The following CDH8 variants were observed in gnomAD, a reference collection of about 807,000 sequenced individuals.
The protein encoded by CDH8 is cadherin 8.
CDH8 carries 17 observed loss-of-function variants against 68.1 expected under a neutral mutation model. The observed-to-expected ratio is 0.25, with a 90% CI of 0.17 to 0.37. The LOEUF (loss-of-function observed/expected upper bound fraction) is 0.37. CDH8 is among the 10% of genes least tolerant of loss of function. The pLI, the probability that CDH8 is intolerant of heterozygous loss-of-function variation, is 1.00. For missense variants in CDH8, 763 were observed against 999.3 expected, an observed-to-expected ratio of 0.76 and a Z score of 3.19; for synonymous variants, 372 against 365.1, an observed-to-expected ratio of 1.02 and a Z score of -0.21.
intron 2 of CDH8, among the ~76,000 whole-genome samples, chr16:61,974,003 A>G (rs916632244): frequency 6.6e-6 from 1 of 152,178 alleles, no homozygotes. Context: ...GAATGTATGA[A>G]CAACCTCAAG....
intron 4 of CDH8, among the ~76,000 whole-genome samples, chr16:61,847,516 C>T (rs907621462): frequency 1.4e-5 from 2 of 141,780 alleles, no homozygotes; most frequent in African/African-American, 5.2e-5. Flanking sequence ...AATTAACCCC[C>T]TTCTGTAAGC....
At chr16:62,012,064 T>C (rs1032163129) in intron 2 of CDH8, among the ~76,000 whole-genome samples, 1 of 152,228 alleles carries the variant, frequency 6.6e-6, no homozygotes, top group Non-Finnish European at 1.5e-5. Context: ...GGAAATGATA[T>C]GTACAGATGG....
intron 4 of CDH8, among the ~76,000 whole-genome samples, chr16:61,856,161 C>G (rs1237114053): frequency 6.6e-6 from 1 of 152,030 alleles, no homozygotes; most frequent in Non-Finnish European, 1.5e-5. Context: ...TTTATCTCAA[C>G]AGCGCTGAAA....
In CDH8 at chr16:61,751,745, G is replaced by A. The variant is rs1424839984; in HGVS notation, c.1415-24530C>T. Among the ~76,000 whole-genome samples the A allele has an allele frequency of 2.6e-5, 4 of 152,012 alleles. No individual in the cohort carries two copies. In the East Asian group the frequency reaches 7.7e-4, roughly 29 times the overall value. ...CCCTGTCCTTCACTCTCCACTTTTT[G>A]AAAACTGAATGGTAATTATATTACA... is the stretch of plus-strand genomic sequence containing the variant. On this transcript the variant is annotated intron_variant, in intron 8 of 11. Coordinates refer to ENST00000577390, the MANE Select transcript of CDH8 (RefSeq NM_001796.5).
chr16:61,969,238 C>T (rs778764081), intron 2 of CDH8, among the ~76,000 whole-genome samples: 7 of 152,196 alleles, frequency 4.6e-5, no homozygotes, highest in Non-Finnish European at 1.0e-4. Flanking sequence ...GGATGGGCAT[C>T]TGACAGTGAG....
intron 3 of CDH8, among the ~76,000 whole-genome samples, chr16:61,882,708 C>G (rs1283083098): frequency 6.6e-6 from 1 of 152,082 alleles, no homozygotes; most frequent in Non-Finnish European, 1.5e-5. Flanking sequence ...CCAACACACA[C>G]TGGGGCCTAT....
chr16:61,703,050 T>C (rs2142852379), intron 10 of CDH8, among the ~76,000 whole-genome samples: 1 of 152,336 alleles, frequency 6.6e-6, no homozygotes, highest in African/African-American at 2.4e-5. Context: ...GAGAATAAAT[T>C]TGTCTTAAAA....
intron 10 of CDH8, among the ~76,000 whole-genome samples, chr16:61,680,870 A>C (rs556826195): frequency 1.3e-5 from 2 of 152,108 alleles, no homozygotes; most frequent in East Asian, 3.9e-4. Context: ...TGAAAGAACA[A>C]ATAAATGTGC....
intron 10 of CDH8, among the ~76,000 whole-genome samples, chr16:61,680,738 T>C (rs1381030522): frequency 6.6e-6 from 1 of 151,960 alleles, no homozygotes; most frequent in South Asian, 2.1e-4. Context: ...ATAGATCCCA[T>C]GGTTATAACC....
chr16:61,894,365 G>A (rs904309413), intron 3 of CDH8, among the ~76,000 whole-genome samples: 1 of 152,162 alleles, frequency 6.6e-6, no homozygotes, highest in African/African-American at 2.4e-5. Flanking sequence ...TGTGGTTCTA[G>A]ATATGATACT....
chr16:61,822,550 C>T (rs989490618), intron 5 of CDH8, among the ~76,000 whole-genome samples: 1 of 151,806 alleles, frequency 6.6e-6, no homozygotes, highest in Non-Finnish European at 1.5e-5. Flanking sequence ...AGTAAGGTTT[C>T]TTCTAGCACT....
chr16:62,031,169 G>A (rs977504112), intron 1 of CDH8, among the ~76,000 whole-genome samples: 6 of 152,088 alleles, frequency 3.9e-5, no homozygotes, highest in Admixed American at 3.3e-4. Flanking sequence ...TAGTCTTGGA[G>A]GCATTCTCAT....
At chr16:61,997,050 C>A (rs1965817695) in intron 2 of CDH8, among the ~76,000 whole-genome samples, 1 of 151,676 alleles carries the variant, frequency 6.6e-6, no homozygotes, top group African/African-American at 2.4e-5. Flanking sequence ...TAATCCTTTT[C>A]TGAGGAGTGT....
intron 2 of CDH8, among the ~76,000 whole-genome samples, chr16:61,996,330 A>G (rs963117457): frequency 6.6e-6 from 1 of 152,196 alleles, no homozygotes; most frequent in Non-Finnish European, 1.5e-5. Flanking sequence ...AACTCTGCAC[A>G]TGGGGACAAA....
At chr16:61,674,229 C>A (rs2142784809) in intron 10 of CDH8, among the ~76,000 whole-genome samples, 1 of 152,066 alleles carries the variant, frequency 6.6e-6, no homozygotes, top group South Asian at 2.1e-4. Flanking sequence ...CCAAGGCGGG[C>A]ATATTATGAG....
chr16:61,991,874 T>A (rs946016418), intron 2 of CDH8, among the ~76,000 whole-genome samples: 5 of 152,166 alleles, frequency 3.3e-5, no homozygotes, highest in African/African-American at 1.2e-4. Flanking sequence ...ACTGGTCTAA[T>A]CTGATTGCTA....
At chr16:61,731,200 T>C (rs1352638062) in intron 8 of CDH8, among the ~76,000 whole-genome samples, 3 of 151,654 alleles carry the variant, frequency 2.0e-5, no homozygotes, top group Admixed American at 1.3e-4. Context: ...CACTAAAGGT[T>C]GCTATGAAAG....
intron 9 of CDH8, among the ~76,000 whole-genome samples, chr16:61,719,493 T>C (rs1475539820): frequency 3.3e-5 from 5 of 151,138 alleles, no homozygotes; most frequent in African/African-American, 7.3e-5. Flanking sequence ...GGACTCTGTA[T>C]ATCTGATGTG....
At chr16:61,889,312 T>A (rs1963733805) in intron 3 of CDH8, among the ~76,000 whole-genome samples, 1 of 152,152 alleles carries the variant, frequency 6.6e-6, no homozygotes. Context: ...AAAGAATAAG[T>A]GCATTTGGGT....
Sources: gnomAD v4.1 joint callset for allele counts (sites outside exome capture counted in the v4.1 genomes callset) on GRCh38, gnomAD v4.1.1 for gene constraint, MANE v1.5 for transcripts, NCBI Gene and HGNC (gene_info 2026-07-23, HGNC 2026-07-21) for gene names.